CNOT4: variants seen among roughly 807,000 people sequenced by gnomAD.
CNOT4 encodes the protein CCR4-NOT transcription complex subunit 4.
Under a neutral mutation model 73.8 loss-of-function variants are expected in CNOT4, and 8 were observed. The observed-to-expected ratio is 0.11, with a 90% confidence interval of 0.06 to 0.20. The LOEUF is 0.20. Among genes scored for constraint, CNOT4 ranks in the 10% least tolerant of loss-of-function variants. The pLI, the probability that CNOT4 is intolerant of heterozygous loss-of-function variation, is 1.00. For missense variants in CNOT4, 564 were observed against 883.4 expected (o/e 0.64, Z 4.58); for synonymous variants, 293 against 321.1 (o/e 0.91, Z 0.94).
chr7:135,492,367 C>G (rs1803166147), intron 1 of CNOT4, among the ~76,000 whole-genome samples: 1 of 151,974 alleles, frequency 6.6e-6, no homozygotes, highest in Non-Finnish European at 1.5e-5. Context: ...TTTTTGCCAA[C>G]TAATTATGAA....
chr7:135,465,743 A>AAT (rs755360130), intron 1 of CNOT4, among the ~76,000 whole-genome samples: 1 of 149,474 alleles, frequency 6.7e-6, no homozygotes, highest in African/African-American at 2.5e-5. Context: ...AAAAAAAAAA[A>AAT]TTTTTTTTTT....
At position 135,362,617 on chromosome 7, in the gene CNOT4, G is replaced by C. The variant is rs536766236; in HGVS notation, c.*268C>G. 48 of 573,818 alleles carry C rather than the reference G, an allele frequency of 8.4e-5. No individual in the cohort carries two copies. In the African/African-American group the frequency reaches 8.6e-4, roughly 10 times the overall value. 35.5% of individuals were successfully genotyped at this position (573,818 alleles called of 1,614,324 possible). On this transcript the variant is annotated 3_prime_UTR_variant, in exon 12 of 12. Coordinates refer to ENST00000541284, the MANE Select transcript of CNOT4 (RefSeq NM_001190850.2). ...TTTCTAAGTATTGAGACTGCCCTTTGATTTTTTTTTCTCTCCTTAAAAAGG... is the reference window on the plus strand; with the variant it reads ...TTTCTAAGTATTGAGACTGCCCTTTCATTTTTTTTTCTCTCCTTAAAAAGG...
At chr7:135,445,356 T>C (rs1799760832) in intron 1 of CNOT4, among the ~76,000 whole-genome samples, 1 of 152,118 alleles carries the variant, frequency 6.6e-6, no homozygotes, top group Non-Finnish European at 1.5e-5. Flanking sequence ...TTGTAGAAAA[T>C]TAGACAGTGA....
chr7:135,486,191 C>A (rs1446662440), intron 1 of CNOT4, among the ~76,000 whole-genome samples: 1 of 151,614 alleles, frequency 6.6e-6, no homozygotes, highest in Non-Finnish European at 1.5e-5. Context: ...AGAAAAGTCT[C>A]AAGAGATTAA....
At chr7:135,457,831 T>C (rs1800639973) in intron 1 of CNOT4, among the ~76,000 whole-genome samples, 1 of 152,134 alleles carries the variant, frequency 6.6e-6, no homozygotes, top group African/African-American at 2.4e-5. Flanking sequence ...ATCAAGAGCA[T>C]ATGTATGTGC....
chr7:135,507,604 AC>A (rs958344981), intron 1 of CNOT4, among the ~76,000 whole-genome samples: 2 of 152,134 alleles, frequency 1.3e-5, no homozygotes, highest in African/African-American at 4.8e-5. Flanking sequence ...TGAGACAAAT[AC>A]CTTTTTTTAA....
chr7:135,473,685 CGCAG>C (rs968629031), intron 1 of CNOT4, among the ~76,000 whole-genome samples: 38 of 151,900 alleles, frequency 2.5e-4, no homozygotes, highest in African/African-American at 7.5e-4. Flanking sequence ...AGAAGGAGGC[CGCAG>C]TGAGCCGAGA....
At chr7:135,505,195 C>T (rs1804283584) in intron 1 of CNOT4, among the ~76,000 whole-genome samples, 1 of 152,144 alleles carries the variant, frequency 6.6e-6, no homozygotes, top group Non-Finnish European at 1.5e-5. Flanking sequence ...ATCTGCCCAT[C>T]ACCCAAAGCA....
intron 10 of CNOT4, among the ~76,000 whole-genome samples, chr7:135,390,295 A>G (rs1353344871): frequency 6.6e-6 from 1 of 152,190 alleles, no homozygotes; most frequent in Non-Finnish European, 1.5e-5. Context: ...TAATTCCACT[A>G]CTAATTGAAT....
At chr7:135,433,350 CTTTTTTT>C (rs954189759) in intron 2 of CNOT4, among the ~76,000 whole-genome samples, 5 of 114,444 alleles carry the variant, frequency 4.4e-5, no homozygotes, top group Non-Finnish European at 3.6e-5. Context: ...TCATCCTGTT[CTTTTTTT>C]TTTTTTTTTT....
rs549774158 is a variant in CNOT4 at position 135,459,208 on chromosome 7, T to C, written c.-92-20785A>G. 1.3e-5 allele frequency among the ~76,000 whole-genome samples: 2 copies of C among 151,954 alleles called. 1 individual carries two copies. Among genetic ancestry groups the C allele is most frequent in the South Asian group, 4.2e-4 (2 of 4,800 alleles). ...ATGCACAGGGACAGTTTGAAAGGAA[T>C]CTTTTTTTCTGAGCGGTAGGTCTCA... On this transcript the variant is annotated intron_variant, in intron 1 of 11. Coordinates refer to ENST00000541284, the MANE Select transcript of CNOT4 (RefSeq NM_001190850.2).
intron 10 of CNOT4, among the ~76,000 whole-genome samples, chr7:135,365,389 C>T (rs1031316497): frequency 1.4e-5 from 2 of 144,490 alleles, no homozygotes; most frequent in Non-Finnish European, 3.0e-5. Context: ...CTAAACCTCA[C>T]ATTTCTTATA....
chr7:135,368,817 A>C (rs189460794), intron 10 of CNOT4, among the ~76,000 whole-genome samples: 13 of 152,374 alleles, frequency 8.5e-5, no homozygotes, highest in Admixed American at 8.5e-4. Context: ...ATATTTCAGA[A>C]TGAATTCTGA....
chr7:135,440,344 T>A (rs936905515), intron 1 of CNOT4, among the ~76,000 whole-genome samples: 4 of 151,166 alleles, frequency 2.6e-5, no homozygotes, highest in Non-Finnish European at 5.9e-5. Context: ...TTTTTTTTTT[T>A]ACCCCATCAG....
chr7:135,419,841 G>A (rs947104105), intron 3 of CNOT4, among the ~76,000 whole-genome samples: 27 of 150,688 alleles, frequency 1.8e-4, no homozygotes, highest in Middle Eastern at 6.8e-3. Context: ...TCAGGAGTTT[G>A]AGACCAGCCT....
chr7:135,437,301 T>G (rs910255488), intron 2 of CNOT4, among the ~76,000 whole-genome samples: 8 of 152,186 alleles, frequency 5.3e-5, no homozygotes, highest in Non-Finnish European at 1.2e-4. Context: ...GCCATTCTCC[T>G]GCCTCAGCCT....
chr7:135,477,967 AATAG>A (rs1369745540), intron 1 of CNOT4, among the ~76,000 whole-genome samples: 2 of 152,142 alleles, frequency 1.3e-5, no homozygotes, highest in Admixed American at 1.3e-4. Context: ...TATTTAATAT[AATAG>A]ATATGTGCTT....
chr7:135,506,656 T>C (rs1048114350), intron 1 of CNOT4, among the ~76,000 whole-genome samples: 2 of 152,094 alleles, frequency 1.3e-5, no homozygotes, highest in African/African-American at 4.8e-5. Flanking sequence ...AAGACCAGCC[T>C]GACCAACATG....
At chr7:135,494,673 G>GTA (rs1341263444) in intron 1 of CNOT4, among the ~76,000 whole-genome samples, 6 of 151,848 alleles carry the variant, frequency 4.0e-5, no homozygotes, top group African/African-American at 1.5e-4. Flanking sequence ...ACAACAAACA[G>GTA]TATATATATT....
Sources: gnomAD v4.1 joint callset for allele counts (sites outside exome capture counted in the v4.1 genomes callset) on GRCh38, gnomAD v4.1.1 for gene constraint, MANE v1.5 for transcripts, NCBI Gene and HGNC (gene_info 2026-07-23, HGNC 2026-07-21) for gene names.